Variants in RPL36 observed in about 807,000 individuals in gnomAD.
The protein encoded by RPL36 is ribosomal protein L36.
For synonymous variants in RPL36, 74 were observed against 56.0 expected, an observed-to-expected ratio of 1.32 and a Z score of -1.44; for missense variants, 131 against 144.9, an observed-to-expected ratio of 0.90 and a Z score of 0.49.
At chr19:5,691,024 CGAGGTTGCGGTGTGT>C in intron 2 of RPL36, 1 of 554,014 alleles carries the variant, frequency 1.8e-6, no homozygotes, top group South Asian at 2.1e-5. Flanking sequence ...GGAGCTGGCC[CGAGGTTGCGGTGTGT>C]GAGGTTGAGG....
intron 2 of RPL36, 65 bp from the exon 3 acceptor site, chr19:5,691,252 CGA>C (rs2054814115): frequency 1.9e-6 from 3 of 1,606,150 alleles, no homozygotes; most frequent in Non-Finnish European, 2.6e-6. Context: ...CGCGGCAGCG[CGA>C]GAGAAGCTGC....
At chr19:5,690,471 TCA>T in intron 1 of RPL36, 33 bp from the exon 2 acceptor site, 1 of 1,487,820 alleles carries the variant, frequency 6.7e-7, no homozygotes, top group South Asian at 1.2e-5. Flanking sequence ...GAGCCGGTAC[TCA>T]CCTCCGCCCC....
rs1480933795 is a variant in RPL36, at chr19:5,690,661, T to TG, written c.93+64dup. The TG allele has an allele frequency of 3.7e-6, 5 of 1,350,308 alleles. No homozygotes were observed. The East Asian group carries it at 7.5e-5, about 20-fold the overall frequency. The allele number at this position is 1,350,308 out of a possible 1,614,324, so 83.6% of individuals were successfully genotyped here. ...TTCTTGGAGGGCGGAGGGCATGGCT[T>TG]GGGCAAAGGCTCTCGACCTGAAAGA... On this transcript the variant is annotated intron_variant, in intron 2 of 3. Transcript: ENST00000347512.
intron 2 of RPL36, chr19:5,691,057 G>C (rs926821835): frequency 8.6e-6 from 5 of 580,958 alleles, no homozygotes; most frequent in Non-Finnish European, 1.5e-5. Flanking sequence ...AGGGATTTCA[G>C]GTGTGTCAGT....
At position 5,691,590 on chromosome 19, in the gene RPL36, C is replaced by G; in HGVS notation, c.287C>G (p.Ala96Gly). 1 of 1,611,160 alleles carries G rather than the reference C, an allele frequency of 6.2e-7. No individual in the cohort carries two copies. The highest frequency in any genetic ancestry group is 8.5e-7 in the Non-Finnish European group (1 of 1,179,754). ...GAGGAGCTGAGCAACGTACTGGCCG[C>G]CATGAGGAAAGCTGCTGCCAAGAAA... is the stretch of plus-strand genomic sequence containing the variant. ...KREELSNVLA[A>G]MRKAAAKKD is the part of the protein sequence containing the mutation. The change falls in exon 4 of 4, where the codon GCC (alanine) becomes GGC (glycine). Residue 96 changes from alanine to glycine, a missense_variant. Transcript: ENST00000347512.
In RPL36 at chr19:5,691,455, T is replaced by TAGGTGGGCGCTGCCGGCCG. The variant is rs1568307210; in HGVS notation, c.228+6_228+24dup. 1 of 1,609,438 alleles carries TAGGTGGGCGCTGCCGGCCG rather than the reference T, an allele frequency of 6.2e-7. No individual in the cohort carries two copies. On this transcript the variant is annotated splice_region_variant and intron_variant, in intron 3 of 3. Transcript: ENST00000347512. ...GCCCTCAAATTTATCAAGAAAAGGGTAGGTGGGCGCTGCCGGCCGAGGGGC... is the reference window on the plus strand; with the variant it reads ...GCCCTCAAATTTATCAAGAAAAGGGTAGGTGGGCGCTGCCGGCCGAGGTGGGCGCTGCCGGCCGAGGGGC...
Position 5,691,528 on chromosome 19 carries a change from G to C in RPL36, c.229-4G>C. On this transcript the variant is annotated splice_region_variant and splice_polypyrimidine_tract_variant and intron_variant, in intron 3 of 3. Transcript: ENST00000347512. ...CGGGCTGACGGCGGCCTCGTCCCTG[G>C]CAGGTGGGGACGCACATCCGCGCCA... is the stretch of plus-strand genomic sequence containing the variant. 1.2e-6 allele frequency: 2 copies of C among 1,607,798 alleles called. No individual in the cohort carries two copies. Among genetic ancestry groups the C allele is most frequent in the African/African-American group, 1.3e-5 (1 of 74,988 alleles).
chr19:5,691,544 A>G lies in RPL36; in HGVS notation c.241A>G (p.Ile81Val), dbSNP rs776341454. ...TCGTCCCTGGCAGGTGGGGACGCAC[A>G]TCCGCGCCAAGAGGAAGCGGGAGGA... ...KFIKKRVGTH[I>V]RAKRKREELS... Residue 81 changes from isoleucine to valine, a missense_variant, in exon 4 of 4, where the codon ATC becomes GTC. By Grantham distance (29) the Ile-to-Val change is conservative. Coordinates refer to ENST00000347512, the MANE Select transcript of RPL36 (RefSeq NM_033643.3). 19 of 1,611,994 alleles carry G rather than the reference A, an allele frequency of 1.2e-5. No homozygotes were observed. Among genetic ancestry groups the G allele is most frequent in the Non-Finnish European group, 1.5e-5 (18 of 1,179,904 alleles).
At chr19:5,690,360 G>A in intron 1 of RPL36, 33 bp downstream of exon 1, 1 of 698,612 alleles carries the variant, frequency 1.4e-6, no homozygotes, top group Non-Finnish European at 2.6e-6. Flanking sequence ...GGTATCCGCC[G>A]CCATCCGGAC....
chr19:5,690,399 T>C, intron 1 of RPL36, 72 bp downstream of exon 1: 1 of 848,946 alleles, frequency 1.2e-6, no homozygotes, highest in Non-Finnish European at 2.0e-6. Flanking sequence ...GGTTGGAGGA[T>C]GGTTGGTTGT....
rs1457951894 is a variant in RPL36 at position 5,691,714 on chromosome 19, G to C, written c.*93G>C. 2 of 1,311,062 alleles carry C rather than the reference G, an allele frequency of 1.5e-6. No individual in the cohort carries two copies. Among genetic ancestry groups the C allele is most frequent in the Non-Finnish European group, 2.1e-6 (2 of 933,798 alleles). The allele number at this position is 1,311,062 out of a possible 1,614,324, so 81.2% of individuals were successfully genotyped here. On this transcript the variant is annotated 3_prime_UTR_variant, in exon 4 of 4. Transcript: ENST00000347512. ...GTGGGTGGGTGTGGGTGTGTCGGGG[G>C]CCCGCAGTCCCCTGTCTGGTGCCCG...
At position 5,691,773 on chromosome 19, in the gene RPL36, T is replaced by G; in HGVS notation, c.*152T>G. The G allele has an allele frequency of 1.0e-6, 1 of 978,618 alleles. No individual in the cohort carries two copies. The highest frequency in any genetic ancestry group is 1.4e-5 in the South Asian group (1 of 70,038). 60.6% of individuals were successfully genotyped at this position (978,618 alleles called of 1,614,324 possible). On this transcript the variant is annotated 3_prime_UTR_variant, in exon 4 of 4. Coordinates refer to ENST00000347512, the MANE Select transcript of RPL36 (RefSeq NM_033643.3). ...CACACCCTCTCCGGGTGCTGCCTGGTCGTGAATCAAAAGCCGTGGCCCGCC... is the reference window on the plus strand; with the variant it reads ...CACACCCTCTCCGGGTGCTGCCTGGGCGTGAATCAAAAGCCGTGGCCCGCC...
chr19:5,691,306 C>G lies in RPL36; in HGVS notation c.94-13C>G. On this transcript the variant is annotated splice_polypyrimidine_tract_variant and intron_variant, in intron 2 of 3. Transcript: ENST00000347512. ...GATCCCCCTACCCTGACGGCCGCCC[C>G]TTTCCCCCCTAGCGTCTGACCAAAC... is the stretch of plus-strand genomic sequence containing the variant. 1 of 1,612,394 alleles carries G rather than the reference C, an allele frequency of 6.2e-7. No homozygotes were observed. The highest frequency in any genetic ancestry group is 8.5e-7 in the Non-Finnish European group (1 of 1,180,030).
intron 2 of RPL36, chr19:5,690,934 G>C: frequency 1.8e-6 from 1 of 541,904 alleles, no homozygotes; most frequent in Admixed American, 3.1e-5. Context: ...AGGGATTTCA[G>C]GTGTGTCAGT....
chr19:5,690,640 TGGA>T, intron 2 of RPL36, 40 bp downstream of exon 2: 1 of 1,493,358 alleles, frequency 6.7e-7, no homozygotes, highest in Non-Finnish European at 9.1e-7. Flanking sequence ...GGGGGTTTCT[TGGA>T]GGGCGGAGGG....
At position 5,691,738 on chromosome 19, in the gene RPL36, C is replaced by A. The variant is rs1382697721; in HGVS notation, c.*117C>A. 2 of 1,126,020 alleles carry A rather than the reference C, an allele frequency of 1.8e-6. No homozygotes were observed. Among genetic ancestry groups the A allele is most frequent in the African/African-American group, 1.5e-5 (1 of 64,958 alleles). 69.8% of individuals were successfully genotyped at this position (1,126,020 alleles called of 1,614,324 possible). On this transcript the variant is annotated 3_prime_UTR_variant, in exon 4 of 4. Coordinates refer to ENST00000347512, the MANE Select transcript of RPL36 (RefSeq NM_033643.3). The stretch of plus-strand genomic sequence containing the variant: ...GGCCCGCAGTCCCCTGTCTGGTGCC[C>A]GCTCTGAGCCACACCCTCTCCGGGT...
chr19:5,691,684 T>G lies in RPL36; in HGVS notation c.*63T>G. 6.7e-7 allele frequency: 1 copy of G among 1,499,406 alleles called. No homozygotes were observed. Among genetic ancestry groups the G allele is most frequent in the South Asian group, 1.2e-5 (1 of 83,404 alleles). The allele number at this position is 1,499,406 out of a possible 1,614,324, so 92.9% of individuals were successfully genotyped here. ...TTGACAGAAGCCCTGGCTCTCCTGC[T>G]GTCCGTGGGTGGGTGTGGGTGTGTC... On this transcript the variant is annotated 3_prime_UTR_variant, in exon 4 of 4. Coordinates refer to ENST00000347512, the MANE Select transcript of RPL36 (RefSeq NM_033643.3).
chr19:5,691,076 C>T (rs1282708458), intron 2 of RPL36: 11 of 597,402 alleles, frequency 1.8e-5, no homozygotes, highest in South Asian at 1.2e-4. Context: ...GTGTATTGGG[C>T]GCCTTTATTC....
At position 5,690,523 on chromosome 19, in the gene RPL36, C is replaced by T. The variant is rs867283504; in HGVS notation, c.16C>T (p.Pro6Ser). 3.2e-6 allele frequency: 5 copies of T among 1,562,058 alleles called. No individual in the cohort carries two copies. The highest frequency in any genetic ancestry group is 1.4e-5 in the African/African-American group (1 of 73,688). The change falls in exon 2 of 4, where the codon CCT (proline) becomes TCT (serine). Residue 6 changes from proline to serine, a missense_variant. Transcript: ENST00000347512. ...GTCCGCAGCCATGGCCCTACGCTAC[C>T]CTATGGCCGTGGGCCTCAACAAGGG... MALRYPMAVGLNKGHK... is the reference protein window; with the variant it reads MALRYSMAVGLNKGHK...
Sources: allele counts gnomAD v4.1 joint callset, GRCh38; gene constraint gnomAD v4.1.1; transcripts MANE v1.5; gene names NCBI Gene and HGNC (gene_info 2026-07-23, HGNC 2026-07-21).